The following C1QTNF7 variants were observed in gnomAD, a reference collection of about 807,000 sequenced individuals.
The protein encoded by C1QTNF7 is complement C1q tumor necrosis factor-related protein 7.
Under a neutral mutation model 19.6 loss-of-function variants are expected in C1QTNF7, and 15 were observed. The ratio of observed to expected loss-of-function variants is 0.76; its 90% CI spans 0.51 to 1.18. The LOEUF (loss-of-function observed/expected upper bound fraction) is 1.18. Among genes scored for constraint, C1QTNF7 ranks in the 50% most tolerant of loss-of-function variants. The pLI is 0.00. For missense variants in C1QTNF7, 324 were observed against 359.7 expected, an observed-to-expected ratio of 0.90 and a Z score of 0.80; for synonymous variants, 142 against 137.5, an observed-to-expected ratio of 1.03 and a Z score of -0.23.
intron 1 of C1QTNF7, among the ~76,000 whole-genome samples, chr4:15,419,018 C>T (rs748675515): frequency 6.6e-6 from 1 of 152,216 alleles, no homozygotes; most frequent in Non-Finnish European, 1.5e-5. Context: ...CTTCACTAAC[C>T]TTTAAAGTTA....
intron 1 of C1QTNF7, among the ~76,000 whole-genome samples, chr4:15,387,456 A>G (rs192809463): frequency 1.7e-3 from 264 of 152,334 alleles, no homozygotes; most frequent in African/African-American, 5.8e-3. Flanking sequence ...TAGGCTTCCA[A>G]TATTTGCCAG....
At chr4:15,393,958 A>C (rs1319496506) in intron 1 of C1QTNF7, among the ~76,000 whole-genome samples, 2 of 117,208 alleles carry the variant, frequency 1.7e-5, no homozygotes, top group African/African-American at 7.5e-5. Flanking sequence ...TAGTGACTGC[A>C]TTAAGGGGGA....
chr4:15,357,006 C>G (rs966793875), intron 1 of C1QTNF7, among the ~76,000 whole-genome samples: 1 of 135,414 alleles, frequency 7.4e-6, no homozygotes, highest in Non-Finnish European at 1.6e-5. Context: ...AGCCCTTTGT[C>G]AGATGGATAG....
At chr4:15,376,630 A>G (rs1717950522) in intron 1 of C1QTNF7, among the ~76,000 whole-genome samples, 1 of 152,224 alleles carries the variant, frequency 6.6e-6, no homozygotes, top group Admixed American at 6.5e-5. Context: ...CTTGCCTACA[A>G]TTACACAGGT....
intron 1 of C1QTNF7, among the ~76,000 whole-genome samples, chr4:15,420,271 G>A (rs963796404): frequency 1.3e-5 from 2 of 152,076 alleles, no homozygotes; most frequent in Admixed American, 1.3e-4. Context: ...ATTCCATCCT[G>A]GCACTTATTT....
At chr4:15,342,061 A>G (rs1335446936) in intron 1 of C1QTNF7, among the ~76,000 whole-genome samples, 1 of 152,208 alleles carries the variant, frequency 6.6e-6, no homozygotes, top group African/African-American at 2.4e-5. Context: ...CAGCTGACTC[A>G]TCTAAGGCGC....
At chr4:15,378,788 C>T (rs1451770816) in intron 1 of C1QTNF7, among the ~76,000 whole-genome samples, 1 of 152,200 alleles carries the variant, frequency 6.6e-6, no homozygotes, top group Admixed American at 6.5e-5. Flanking sequence ...ATAGAGTGTA[C>T]AGCTTTTAAA....
chr4:15,386,334 T>C (rs1718335388), intron 1 of C1QTNF7, among the ~76,000 whole-genome samples: 1 of 152,208 alleles, frequency 6.6e-6, no homozygotes. Flanking sequence ...CAACCAAATA[T>C]TATTTGTCAA....
intron 1 of C1QTNF7, among the ~76,000 whole-genome samples, chr4:15,413,573 A>C (rs1719481722): frequency 6.6e-6 from 1 of 152,248 alleles, no homozygotes; most frequent in Non-Finnish European, 1.5e-5. Context: ...TTCCCTCTTT[A>C]AAAACTGATT....
chr4:15,343,036 A>G (rs1053628785), intron 1 of C1QTNF7, among the ~76,000 whole-genome samples: 1 of 152,210 alleles, frequency 6.6e-6, no homozygotes, highest in Non-Finnish European at 1.5e-5. Flanking sequence ...AAGGTCTACT[A>G]TCAAAATGCC....
chr4:15,376,011 C>G (rs1395871088), intron 1 of C1QTNF7, among the ~76,000 whole-genome samples: 1 of 152,188 alleles, frequency 6.6e-6, no homozygotes, highest in South Asian at 2.1e-4. Flanking sequence ...CAGCAATTTT[C>G]TATGTAGCCC....
chr4:15,389,153 G>A (rs915367205), intron 1 of C1QTNF7, among the ~76,000 whole-genome samples: 2 of 152,188 alleles, frequency 1.3e-5, no homozygotes, highest in Non-Finnish European at 2.9e-5. Context: ...CAGTAGGGAT[G>A]GCCTTCTGAA....
At chr4:15,358,884 G>A (rs1717241426) in intron 1 of C1QTNF7, among the ~76,000 whole-genome samples, 1 of 152,120 alleles carries the variant, frequency 6.6e-6, no homozygotes, top group Admixed American at 6.6e-5. Flanking sequence ...ATCTAGGAGT[G>A]GACAGAGTAG....
intron 1 of C1QTNF7, chr4:15,374,570 C>A: frequency 1.0e-6 from 1 of 985,368 alleles, no homozygotes; most frequent in Non-Finnish European, 1.2e-6. Flanking sequence ...GGGGTCCTTG[C>A]CCGCTCCCTC....
At position 15,387,214 on chromosome 4, in the gene C1QTNF7, C is replaced by T. The variant is rs115447782; in HGVS notation, c.13+47007C>T. On this transcript the variant is annotated intron_variant, in intron 1 of 2. Transcript: ENST00000295297. Reference sequence around the variant, plus strand: ...AAGAATTTGCTACCAATTATTGAGACGAGGAAGTGTGTGGGGGACAGGTTG... The same window carrying T: ...AAGAATTTGCTACCAATTATTGAGATGAGGAAGTGTGTGGGGGACAGGTTG... Among the ~76,000 whole-genome samples, 1,491 of 152,150 alleles carry T rather than the reference C, an allele frequency of 9.8e-3. 34 individuals carry two copies. Among genetic ancestry groups the T allele is most frequent in the African/African-American group, 0.034 (1,413 of 41,484 alleles).
chr4:15,442,601 C>T lies in C1QTNF7; in HGVS notation c.672C>T (p.Asn224=). ...ACCGGATAAAGACCTTCGACGCCAA[C>T]ACAGGAAACCATGATGTGGCTTCGG... is the stretch of plus-strand genomic sequence containing the variant. ...GQYRIKTFDA[N]TGNHDVASGS... Residue 224 remains asparagine, a synonymous_variant, in exon 3 of 3, where the codon AAC becomes AAT. Coordinates refer to ENST00000444304, the MANE Select transcript of C1QTNF7 (RefSeq NM_031911.5). 9 of 1,614,198 alleles carry T rather than the reference C, an allele frequency of 5.6e-6. No homozygotes were observed. The highest frequency in any genetic ancestry group is 7.6e-6 in the Non-Finnish European group (9 of 1,180,042).
intron 2 of C1QTNF7, among the ~76,000 whole-genome samples, chr4:15,438,417 C>T (rs935463631): frequency 2.6e-5 from 4 of 152,136 alleles, no homozygotes; most frequent in Admixed American, 1.3e-4. Flanking sequence ...CCTGTTTCCC[C>T]TTTAATGACA....
At chr4:15,437,286 G>GTAACTGAACA (rs1712575893) in intron 2 of C1QTNF7, among the ~76,000 whole-genome samples, 2 of 151,882 alleles carry the variant, frequency 1.3e-5, no homozygotes. Flanking sequence ...TACTAATCTA[G>GTAACTGAACA]TATCCTTGGC....
rs144053539 is a variant in C1QTNF7 at position 15,442,736 on chromosome 4, C to T, written c.807C>T (p.Ser269=). The change falls in exon 3 of 3, where the codon TCC becomes TCT. Residue 269 remains serine, a synonymous_variant. Coordinates refer to ENST00000444304, the MANE Select transcript of C1QTNF7 (RefSeq NM_031911.5). The part of the protein sequence containing the change: ...SDPGWADSLF[S]GFLLYVDTDY... ...CAGGTTGGGCAGACAGCTTATTCTC[C>T]GGGTTTCTCTTATACGTTGACACAG... The T allele has an allele frequency of 1.5e-4, 250 of 1,614,052 alleles. No homozygotes were observed. The African/African-American group carries it at 2.5e-3, about 16-fold the overall frequency.
Sources: allele counts gnomAD v4.1 joint callset (sites outside exome capture counted in the v4.1 genomes callset), GRCh38; gene constraint gnomAD v4.1.1; transcripts MANE v1.5; gene names NCBI Gene and HGNC (gene_info 2026-07-23, HGNC 2026-07-21).